Variants in SLC35F4 observed in about 807,000 individuals in gnomAD.
SLC35F4 encodes solute carrier family 35 member F4.
SLC35F4 carries 24 observed loss-of-function variants against 44.2 expected under a neutral mutation model. That is an observed-to-expected ratio of 0.54 (90% CI 0.39 to 0.76). The LOEUF is 0.76. Ranked by LOEUF, SLC35F4 falls within the 30% of genes least tolerant of loss-of-function variation. The pLI, the probability that SLC35F4 is intolerant of heterozygous loss-of-function variation, is 0.00. For missense variants in SLC35F4, 562 were observed against 586.1 expected, an observed-to-expected ratio of 0.96 and a Z score of 0.42; for synonymous variants, 238 against 223.6, an observed-to-expected ratio of 1.06 and a Z score of -0.57.
chr14:57,792,386 T>A (rs2077942920), intron 1 of SLC35F4, among the ~76,000 whole-genome samples: 1 of 152,170 alleles, frequency 6.6e-6, no homozygotes, highest in South Asian at 2.1e-4. Context: ...AACTACCATT[T>A]GATCCATCAA....
rs1228920457 is a variant in SLC35F4 at position 57,809,036 on chromosome 14, G to A, written c.103+56687C>T. ...TTTTTGCCCAGCCACATTCTTCAAT[G>A]TCTTTTTGGTAATGATTTTTATTCC... On this transcript the variant is annotated intron_variant, in intron 1 of 7. Coordinates refer to ENST00000556826, the MANE Select transcript of SLC35F4 (RefSeq NM_001306087.2). Among the ~76,000 whole-genome samples the A allele has an allele frequency of 2.0e-5, 3 of 152,126 alleles. No homozygotes were observed. In the East Asian group the frequency reaches 5.8e-4, roughly 29 times the overall value.
intron 1 of SLC35F4, among the ~76,000 whole-genome samples, chr14:57,648,306 T>G (rs2073631224): frequency 6.6e-6 from 1 of 152,206 alleles, no homozygotes; most frequent in Non-Finnish European, 1.5e-5. Flanking sequence ...GGCATTTAAC[T>G]GTTCATGTAT....
intron 1 of SLC35F4, among the ~76,000 whole-genome samples, chr14:57,862,637 ATGTGTTCTTCT>A (rs1887781006): frequency 6.6e-6 from 1 of 152,192 alleles, no homozygotes; most frequent in African/African-American, 2.4e-5. Flanking sequence ...ACTGCCCAGA[ATGTGTTCTTCT>A]GGATGTCCAT....
At chr14:57,849,637 C>T (rs7150584) in intron 1 of SLC35F4, among the ~76,000 whole-genome samples, 45,145 of 151,826 alleles carry the variant, frequency 0.3, 8,746 homozygotes, top group East Asian at 0.71. Flanking sequence ...AACAAAAGAG[C>T]TACTAAAACT....
chr14:57,742,074 C>T (rs2076623743), intron 1 of SLC35F4, among the ~76,000 whole-genome samples: 2 of 152,066 alleles, frequency 1.3e-5, no homozygotes, highest in African/African-American at 4.8e-5. Flanking sequence ...CTGAAGGAAG[C>T]ACTAAACATG....
chr14:57,802,597 A>G (rs2078217134), intron 1 of SLC35F4, among the ~76,000 whole-genome samples: 1 of 151,626 alleles, frequency 6.6e-6, no homozygotes, highest in Non-Finnish European at 1.5e-5. Context: ...AAGAGAGAAG[A>G]CTCAAATAAA....
chr14:57,786,946 G>A (rs2077777874), intron 1 of SLC35F4, among the ~76,000 whole-genome samples: 1 of 152,172 alleles, frequency 6.6e-6, no homozygotes, highest in East Asian at 1.9e-4. Context: ...GAATTCAGGA[G>A]GTTAGTTATT....
chr14:57,810,405 C>T (rs974375383), intron 1 of SLC35F4, among the ~76,000 whole-genome samples: 1 of 152,204 alleles, frequency 6.6e-6, no homozygotes, highest in Non-Finnish European at 1.5e-5. Context: ...GCGTGTATCC[C>T]TGTGGATTTT....
chr14:57,784,598 G>A (rs577063149), intron 1 of SLC35F4, among the ~76,000 whole-genome samples: 11 of 152,200 alleles, frequency 7.2e-5, no homozygotes, highest in South Asian at 2.1e-4. Context: ...AATCTCTTGC[G>A]CCCAGGAGGT....
intron 1 of SLC35F4, among the ~76,000 whole-genome samples, chr14:57,819,791 C>T (rs1199413941): frequency 7.2e-6 from 1 of 139,128 alleles, no homozygotes; most frequent in African/African-American, 2.7e-5. Flanking sequence ...CCAGCCTGGG[C>T]AACAGAGCAA....
intron 1 of SLC35F4, among the ~76,000 whole-genome samples, chr14:57,938,058 T>C (rs1210368766): frequency 3.3e-5 from 5 of 152,154 alleles, no homozygotes; most frequent in Non-Finnish European, 7.4e-5. Context: ...AATACTCTTT[T>C]TGTTATTGCA....
chr14:57,963,801 C>T (rs1277754968), intron 1 of SLC35F4, among the ~76,000 whole-genome samples: 3 of 148,732 alleles, frequency 2.0e-5, no homozygotes, highest in Non-Finnish European at 4.4e-5. Context: ...TATTTCACTG[C>T]CACTTCAACT....
intron 1 of SLC35F4, among the ~76,000 whole-genome samples, chr14:57,665,350 C>A (rs2074273170): frequency 6.6e-6 from 1 of 152,114 alleles, no homozygotes; most frequent in Non-Finnish European, 1.5e-5. Context: ...TTGTGCTAGG[C>A]ATCTCATTAT....
intron 1 of SLC35F4, among the ~76,000 whole-genome samples, chr14:57,720,274 T>C (rs566209384): frequency 6.6e-6 from 1 of 152,214 alleles, no homozygotes; most frequent in South Asian, 2.1e-4. Flanking sequence ...ATTCATAATA[T>C]AGGTTGGCCT....
rs533334434 is a variant in SLC35F4 at position 57,673,645 on chromosome 14, C to T, written c.104-79521G>A. On this transcript the variant is annotated intron_variant, in intron 1 of 7. Transcript: ENST00000556826. ...CTGAACAATACTTCTCAAAGAAATG[C>T]CTACTGTGGCAGGGTCAAGAGGGAT... Among the ~76,000 whole-genome samples, 309 of 152,036 alleles carry T rather than the reference C, an allele frequency of 2.0e-3. 5 individuals are homozygous for T. The highest frequency in any genetic ancestry group is 7.2e-3 in the African/African-American group (296 of 41,396).
chr14:57,599,358 T>C (rs2070678418), intron 1 of SLC35F4, among the ~76,000 whole-genome samples: 1 of 152,190 alleles, frequency 6.6e-6, no homozygotes, highest in Non-Finnish European at 1.5e-5. Flanking sequence ...AGTGCCAATA[T>C]CAGACCCATT....
chr14:57,684,233 G>T (rs2074999629), intron 1 of SLC35F4, among the ~76,000 whole-genome samples: 1 of 152,064 alleles, frequency 6.6e-6, no homozygotes, highest in Admixed American at 6.6e-5. Context: ...GCCGCTGCTG[G>T]CACAGGCTGT....
intron 1 of SLC35F4, among the ~76,000 whole-genome samples, chr14:57,729,495 G>T (rs2140466708): frequency 6.6e-6 from 1 of 152,254 alleles, no homozygotes; most frequent in East Asian, 1.9e-4. Flanking sequence ...CAAGGCAGTG[G>T]GTTGCCAGTT....
intron 1 of SLC35F4, among the ~76,000 whole-genome samples, chr14:57,929,916 T>G (rs184514135): frequency 6.6e-6 from 1 of 152,248 alleles, no homozygotes; most frequent in Non-Finnish European, 1.5e-5. Context: ...TGGGTGCTTT[T>G]TTTCCCTTCA....
Sources: gnomAD v4.1 joint callset for allele counts (sites outside exome capture counted in the v4.1 genomes callset) on GRCh38, gnomAD v4.1.1 for gene constraint, MANE v1.5 for transcripts, NCBI Gene and HGNC (gene_info 2026-07-23, HGNC 2026-07-21) for gene names.